The following CPS1 variants were observed in gnomAD, a reference collection of about 807,000 sequenced individuals.
The protein encoded by CPS1 is carbamoyl-phosphate synthase 1.
CPS1 carries 109 observed loss-of-function variants against 174.6 expected under a neutral mutation model. The ratio of observed to expected loss-of-function variants is 0.62; its 90% CI spans 0.53 to 0.73. The LOEUF (loss-of-function observed/expected upper bound fraction) is 0.73. CPS1 is among the 30% of genes least tolerant of loss of function. CPS1 has a pLI of 0.00. For missense variants in CPS1, 1,689 were observed against 1,821.9 expected, an observed-to-expected ratio of 0.93 and a Z score of 1.33; for synonymous variants, 637 against 632.0, an observed-to-expected ratio of 1.01 and a Z score of -0.12.
At chr2:210,554,986 T>G (rs1696862404), upstream of CPS1, among the ~76,000 whole-genome samples, 1 of 151,978 alleles carries the variant, frequency 6.6e-6, no homozygotes, top group Admixed American at 6.6e-5. Context: ...TTCATTCTCC[T>G]CCAATTCATT....
At chr2:210,599,959 A>G (rs1341924309) in intron 14 of CPS1, among the ~76,000 whole-genome samples, 1 of 151,952 alleles carries the variant, frequency 6.6e-6, no homozygotes, top group Admixed American at 6.6e-5. Flanking sequence ...CATTTTCATG[A>G]TAGCATAGAT....
intron 1 of CPS1, among the ~76,000 whole-genome samples, chr2:210,511,056 A>G (rs1695473821): frequency 6.6e-6 from 1 of 152,206 alleles, no homozygotes; most frequent in Non-Finnish European, 1.5e-5. Flanking sequence ...ACTATAAATC[A>G]TGCTGCTATA....
intron 1 of CPS1, among the ~76,000 whole-genome samples, chr2:210,499,622 G>A (rs1164901497): frequency 6.6e-6 from 1 of 152,192 alleles, no homozygotes; most frequent in East Asian, 1.9e-4. Context: ...CTGGGTCTGA[G>A]AAAATGCCTG....
intron 1 of CPS1, among the ~76,000 whole-genome samples, chr2:210,498,325 G>A (rs1328638043): frequency 6.6e-6 from 1 of 151,884 alleles, no homozygotes; most frequent in East Asian, 1.9e-4. Context: ...TTATTTCTTT[G>A]AGCAGTGTTT....
At chr2:210,597,801 G>A (rs1316705583) in intron 13 of CPS1, among the ~76,000 whole-genome samples, 1 of 148,552 alleles carries the variant, frequency 6.7e-6, no homozygotes, top group Non-Finnish European at 1.5e-5. Context: ...TGTAAGGAAT[G>A]AGATAGAGCT....
At chr2:210,662,831 G>A (rs1435286750) in intron 32 of CPS1, among the ~76,000 whole-genome samples, 1 of 152,216 alleles carries the variant, frequency 6.6e-6, no homozygotes, top group Non-Finnish European at 1.5e-5. Context: ...ATAGGAATAT[G>A]CATGGGCCAG....
rs1477313306 is a variant in CPS1, at chr2:210,605,202, C to G, written c.1937C>G (p.Thr646Ser). 1.2e-6 allele frequency: 2 copies of G among 1,612,266 alleles called. No individual in the cohort carries two copies. The highest frequency in any genetic ancestry group is 3.3e-5 in the Admixed American group (2 of 59,860). ...VVRDADDNCVTVCNMENVDAM... is the reference protein window; with the variant it reads ...VVRDADDNCVSVCNMENVDAM... ...CGAGATGCTGATGACAATTGTGTCA[C>G]TGTCTGTAACATGGAAAATGTTGAT... Residue 646 changes from threonine (T) to serine (S), a missense_variant, in exon 17 of 38, where the codon ACT (threonine) becomes AGT (serine). Coordinates refer to ENST00000233072, the MANE Select transcript of CPS1 (RefSeq NM_001875.5).
chr2:210,628,242 G>A (rs946416435), intron 21 of CPS1, among the ~76,000 whole-genome samples: 2 of 152,006 alleles, frequency 1.3e-5, no homozygotes, highest in Admixed American at 1.3e-4. Flanking sequence ...GGTAATTTTT[G>A]CTTTCATGGA....
At chr2:210,610,337 A>G (rs1699068583) in intron 19 of CPS1, among the ~76,000 whole-genome samples, 1 of 151,950 alleles carries the variant, frequency 6.6e-6, no homozygotes, top group South Asian at 2.1e-4. Context: ...TTTGTTGTCT[A>G]ACACCTTACA....
At chr2:210,485,025 G>A (rs2370961) in intron 1 of CPS1, among the ~76,000 whole-genome samples, 61,389 of 151,190 alleles carry the variant, frequency 0.41, 14,017 homozygotes, top group Non-Finnish European at 0.52. Flanking sequence ...TCAGGAGATC[G>A]AGACCATCCT....
At chr2:210,674,494 AAAAAG>A in intron 34 of CPS1, 1 of 163,692 alleles carries the variant, frequency 6.1e-6, no homozygotes, top group Admixed American at 6.0e-5. Context: ...CAAAAAAAAA[AAAAAG>A]AAATAAGAGC....
chr2:210,516,239 C>T (rs2105982164), intron 1 of CPS1, among the ~76,000 whole-genome samples: 1 of 151,744 alleles, frequency 6.6e-6, no homozygotes, highest in Admixed American at 6.6e-5. Flanking sequence ...ATATTTAAGT[C>T]CAGAATTTTT....
At chr2:210,515,824 G>A (rs540554674) in intron 1 of CPS1, among the ~76,000 whole-genome samples, 25 of 151,754 alleles carry the variant, frequency 1.6e-4, no homozygotes, top group Middle Eastern at 3.4e-3. Flanking sequence ...AGCTTTTTGA[G>A]GTGGGTATTT....
At chr2:210,676,783 A>G (rs572037277) in intron 36 of CPS1, among the ~76,000 whole-genome samples, 1 of 152,306 alleles carries the variant, frequency 6.6e-6, no homozygotes, top group Admixed American at 6.5e-5. Flanking sequence ...AGAGAAAACA[A>G]ACATCTGCAT....
chr2:210,635,203 G>A lies in CPS1; in HGVS notation c.2688-2499G>A, dbSNP rs527446006. Among the ~76,000 whole-genome samples the A allele has an allele frequency of 1.2e-4, 18 of 152,050 alleles. No individual in the cohort carries two copies. In the East Asian group the frequency reaches 2.9e-3, roughly 24 times the overall value. On this transcript the variant is annotated intron_variant, in intron 21 of 37. Transcript: ENST00000233072. ...CGTGATTCACCCTCCTCAGCCTCCC[G>A]AAGTGCTGGTATTACAGGTGTGAGC...
rs1275209546 is a variant in CPS1, at chr2:210,616,492, A to C, written c.2638A>C (p.Lys880Gln). ...ATACATTGACAAGTGGTTTTTGTAT[A>C]AGATGCGTGATATTTTAAACATGGA... is the stretch of plus-strand genomic sequence containing the variant. ...LTYIDKWFLY[K>Q]MRDILNMEKT... The change falls in exon 21 of 38, where the codon AAG becomes CAG. Residue 880 changes from lysine (K) to glutamine (Q), a missense_variant. Coordinates refer to ENST00000233072, the MANE Select transcript of CPS1 (RefSeq NM_001875.5). The C allele has an allele frequency of 6.2e-7, 1 of 1,612,112 alleles. No individual in the cohort carries two copies. Among genetic ancestry groups the C allele is most frequent in the African/African-American group, 1.3e-5 (1 of 74,810 alleles).
At chr2:210,565,355 G>C (rs969995993) in intron 1 of CPS1, among the ~76,000 whole-genome samples, 2 of 152,092 alleles carry the variant, frequency 1.3e-5, no homozygotes, top group Non-Finnish European at 2.9e-5. Flanking sequence ...TTTATAACCT[G>C]ATTGGCTCCC....
At chr2:210,490,153 C>T (rs1694834775) in intron 1 of CPS1, among the ~76,000 whole-genome samples, 1 of 152,170 alleles carries the variant, frequency 6.6e-6, no homozygotes. Context: ...CAACTACTCT[C>T]AGCTTTCTCT....
intron 1 of CPS1, among the ~76,000 whole-genome samples, chr2:210,486,673 G>T (rs1476270978): frequency 2.6e-5 from 4 of 152,178 alleles, no homozygotes; most frequent in Admixed American, 6.5e-5. Flanking sequence ...ACCACATGCA[G>T]CTAATTTTGT....
Sources: gnomAD v4.1 joint callset for allele counts (sites outside exome capture counted in the v4.1 genomes callset) on GRCh38, gnomAD v4.1.1 for gene constraint, MANE v1.5 for transcripts, NCBI Gene and HGNC (gene_info 2026-07-23, HGNC 2026-07-21) for gene names.